The following EXOC4 variants were observed in gnomAD, a reference collection of about 807,000 sequenced individuals.
EXOC4 encodes the protein SEC8-like 1.
EXOC4 carries 71 observed loss-of-function variants against 107.2 expected under a neutral mutation model. That is an observed-to-expected ratio of 0.66 (90% confidence interval 0.55 to 0.81). EXOC4 has a LOEUF of 0.81. Among genes scored for constraint, EXOC4 ranks in the 30% least tolerant of loss-of-function variants. EXOC4 has a pLI of 0.00. For missense variants in EXOC4, 1,108 were observed against 1,189.6 expected (o/e 0.93, Z 1.01); for synonymous variants, 456 against 441.2 (o/e 1.03, Z -0.42).
chr7:133,351,800 C>T lies in EXOC4; in HGVS notation c.764-4530C>T, dbSNP rs140787830. The stretch of plus-strand genomic sequence containing the variant: ...TTTTGAGATCTTTTTTGTTTTTTAC[C>T]GTAAGCATTTATAACTATAAATTTC... On this transcript the variant is annotated intron_variant, in intron 5 of 17. Coordinates refer to ENST00000253861, the MANE Select transcript of EXOC4 (RefSeq NM_021807.4). Among the ~76,000 whole-genome samples, 28 of 151,454 alleles carry T rather than the reference C, an allele frequency of 1.8e-4. No individual in the cohort carries two copies. The East Asian group carries it at 2.1e-3, about 11-fold the overall frequency.
intron 10 of EXOC4, among the ~76,000 whole-genome samples, chr7:133,639,457 T>C (rs1461095494): frequency 1.3e-5 from 2 of 152,168 alleles, no homozygotes; most frequent in Admixed American, 1.3e-4. Context: ...TTCATGGTCA[T>C]GAAATCTTTT....
At chr7:133,492,081 T>G (rs943666095) in intron 9 of EXOC4, among the ~76,000 whole-genome samples, 1 of 152,150 alleles carries the variant, frequency 6.6e-6, no homozygotes, top group African/African-American at 2.4e-5. Flanking sequence ...AGGTTTAAAG[T>G]AGGAGAGTCG....
chr7:133,870,688 G>T (rs767073662), intron 11 of EXOC4, among the ~76,000 whole-genome samples: 1 of 152,216 alleles, frequency 6.6e-6, no homozygotes, highest in African/African-American at 2.4e-5. Context: ...GTTGAGGGTA[G>T]GTGGCAAGGT....
rs372767903 is a variant in EXOC4, at chr7:133,740,333, T to G, written c.1515-76992T>G. Among the ~76,000 whole-genome samples the G allele has an allele frequency of 1.6e-4, 25 of 152,308 alleles. No homozygotes were observed. The South Asian group carries it at 3.5e-3, about 21-fold the overall frequency. On this transcript the variant is annotated intron_variant, in intron 10 of 17. Coordinates refer to ENST00000253861, the MANE Select transcript of EXOC4 (RefSeq NM_021807.4). Reference sequence around the variant, plus strand: ...AATTCCCAATTTTTCACACATTTTATATATGAGTCTGCATGAATGTTAGCA... The same window carrying G: ...AATTCCCAATTTTTCACACATTTTAGATATGAGTCTGCATGAATGTTAGCA...
chr7:133,995,535 C>A (rs894999162), intron 14 of EXOC4, among the ~76,000 whole-genome samples: 1 of 152,088 alleles, frequency 6.6e-6, no homozygotes, highest in East Asian at 1.9e-4. Context: ...CTTGTCTTGG[C>A]GATCAAACAA....
chr7:134,079,647 C>G, the EXOC4 span, among the ~76,000 whole-genome samples: 5 of 152,150 alleles, frequency 3.3e-5, no homozygotes, highest in Non-Finnish European at 7.3e-5. Flanking sequence ...CAGGGAGCTG[C>G]CCGGTTGGGC....
chr7:133,532,733 T>C (rs944695140), intron 9 of EXOC4, among the ~76,000 whole-genome samples: 6 of 151,994 alleles, frequency 3.9e-5, no homozygotes, highest in Non-Finnish European at 8.8e-5. Context: ...AATATAAAGA[T>C]GTTTGGAGGT....
intron 10 of EXOC4, among the ~76,000 whole-genome samples, chr7:133,775,737 C>T (rs908443171): frequency 2.0e-5 from 3 of 152,146 alleles, no homozygotes; most frequent in African/African-American, 4.8e-5. Flanking sequence ...CTTTCATTCA[C>T]TTTTCTATTG....
intron 10 of EXOC4, among the ~76,000 whole-genome samples, chr7:133,721,167 C>A (rs1293162931): frequency 6.6e-6 from 1 of 152,106 alleles, no homozygotes; most frequent in East Asian, 1.9e-4. Flanking sequence ...GCTTAATTTT[C>A]ATTTTTTTCA....
At chr7:133,887,367 G>C (rs1799108744) in intron 11 of EXOC4, among the ~76,000 whole-genome samples, 1 of 152,092 alleles carries the variant, frequency 6.6e-6, no homozygotes, top group Non-Finnish European at 1.5e-5. Context: ...AGAATCCTGA[G>C]AGATTATAAA....
intron 10 of EXOC4, among the ~76,000 whole-genome samples, chr7:133,649,866 T>C (rs1214477552): frequency 6.6e-6 from 1 of 152,188 alleles, no homozygotes; most frequent in Admixed American, 6.6e-5. Context: ...TGAATGATTT[T>C]AAGAGCATAG....
intron 9 of EXOC4, among the ~76,000 whole-genome samples, chr7:133,506,433 T>G (rs1014915540): frequency 6.6e-6 from 1 of 152,116 alleles, no homozygotes. Context: ...TGATCAGAAT[T>G]CTCAGTTCCC....
At chr7:134,018,013 A>G (rs1794949091) in intron 17 of EXOC4, among the ~76,000 whole-genome samples, 1 of 152,228 alleles carries the variant, frequency 6.6e-6, no homozygotes, top group Non-Finnish European at 1.5e-5. Flanking sequence ...TAAAGATCCC[A>G]AGGAACAGAA....
At chr7:133,639,926 A>T (rs76182205) in intron 10 of EXOC4, among the ~76,000 whole-genome samples, 4,261 of 152,244 alleles carry the variant, frequency 0.028, 98 homozygotes, top group Non-Finnish European at 0.042. Context: ...TTTCTAGGGT[A>T]TCACTCTTTA....
chr7:133,960,750 A>G (rs556382192), intron 14 of EXOC4, among the ~76,000 whole-genome samples: 6 of 152,184 alleles, frequency 3.9e-5, no homozygotes, highest in African/African-American at 9.7e-5. Flanking sequence ...TTTAGCATCT[A>G]TGTTCATCAG....
At chr7:133,710,685 A>G (rs1016859491) in intron 10 of EXOC4, among the ~76,000 whole-genome samples, 19 of 151,552 alleles carry the variant, frequency 1.3e-4, no homozygotes, top group Non-Finnish European at 2.5e-4. Flanking sequence ...AAAAGTTGGT[A>G]GTTGCAGATA....
At chr7:133,915,088 G>C (rs1476606920) in intron 12 of EXOC4, among the ~76,000 whole-genome samples, 5 of 152,210 alleles carry the variant, frequency 3.3e-5, no homozygotes, top group African/African-American at 1.2e-4. Flanking sequence ...AAAAGCAGTA[G>C]ATGGGTTAAA....
chr7:133,560,250 G>A (rs11980047), intron 9 of EXOC4, among the ~76,000 whole-genome samples: 35,630 of 151,920 alleles, frequency 0.23, 4,954 homozygotes, highest in African/African-American at 0.37. Flanking sequence ...TTTCTAAGTG[G>A]AAATTTGCCT....
At chr7:133,732,318 T>C (rs1426375287) in intron 10 of EXOC4, among the ~76,000 whole-genome samples, 2 of 152,058 alleles carry the variant, frequency 1.3e-5, no homozygotes, top group African/African-American at 4.8e-5. Flanking sequence ...TCAGGATAAA[T>C]AGCTAAGCAT....
Sources: allele counts gnomAD v4.1 joint callset (sites outside exome capture counted in the v4.1 genomes callset), GRCh38; gene constraint gnomAD v4.1.1; transcripts MANE v1.5; gene names NCBI Gene and HGNC (gene_info 2026-07-23, HGNC 2026-07-21).